The following LRRC20 variants were observed in gnomAD, a reference collection of about 807,000 sequenced individuals.
LRRC20 encodes leucine rich repeat containing 20.
A neutral mutation model predicts 14.4 loss-of-function variants in LRRC20; 11 were observed. The observed-to-expected ratio is 0.77, with a 90% CI of 0.48 to 1.27. The LOEUF is 1.27. LRRC20 is among the 50% of genes most tolerant of loss of function. The pLI is 0.00. For synonymous variants in LRRC20, 121 were observed against 107.3 expected (o/e 1.13, Z -0.79); for missense variants, 219 against 251.2 (o/e 0.87, Z 0.87).
intron 1 of LRRC20, among the ~76,000 whole-genome samples, chr10:70,380,677 A>G (rs962515872): frequency 1.3e-5 from 2 of 152,256 alleles, no homozygotes; most frequent in African/African-American, 4.8e-5. Context: ...ACTTCAGCAC[A>G]GGGTCGAAGC....
intron 2 of LRRC20, among the ~76,000 whole-genome samples, chr10:70,344,108 G>A (rs1323624219): frequency 6.6e-6 from 1 of 152,054 alleles, no homozygotes; most frequent in Non-Finnish European, 1.5e-5. Context: ...GTTGAAGTGG[G>A]AAGAAGATCG....
intron 3 of LRRC20, among the ~76,000 whole-genome samples, chr10:70,331,483 G>C (rs1037412209): frequency 2.0e-5 from 3 of 152,208 alleles, no homozygotes; most frequent in Non-Finnish European, 1.5e-5. Flanking sequence ...CCCAGCCACG[G>C]GATCGGCCAG....
chr10:70,371,310 T>A (rs1844258433), intron 2 of LRRC20, among the ~76,000 whole-genome samples: 2 of 151,926 alleles, frequency 1.3e-5, no homozygotes, highest in African/African-American at 4.8e-5. Context: ...GCTAATTTTT[T>A]AAATTTTATT....
intron 2 of LRRC20, among the ~76,000 whole-genome samples, chr10:70,353,575 G>A (rs1473646172): frequency 1.3e-5 from 2 of 151,972 alleles, no homozygotes; most frequent in East Asian, 1.9e-4. Flanking sequence ...GCACCACCAC[G>A]CCCAACTAAT....
chr10:70,317,837 G>A (rs1379831719), intron 4 of LRRC20, among the ~76,000 whole-genome samples: 1 of 152,208 alleles, frequency 6.6e-6, no homozygotes, highest in African/African-American at 2.4e-5. Context: ...TCCCTGGCAA[G>A]CTGGGAGGTC....
intron 4 of LRRC20, among the ~76,000 whole-genome samples, chr10:70,314,885 T>A (rs1257778728): frequency 6.6e-6 from 1 of 152,044 alleles, no homozygotes; most frequent in Admixed American, 6.6e-5. Context: ...CAACCAAAAT[T>A]ATGCACTTCA....
chr10:70,325,417 AC>A (rs773847521), intron 3 of LRRC20, among the ~76,000 whole-genome samples: 4 of 151,418 alleles, frequency 2.6e-5, no homozygotes, highest in Non-Finnish European at 4.4e-5. Context: ...TGCACCCTCC[AC>A]CTCGGCAGGG....
chr10:70,364,642 T>C (rs1843899448), intron 2 of LRRC20, among the ~76,000 whole-genome samples: 1 of 148,780 alleles, frequency 6.7e-6, no homozygotes, highest in South Asian at 2.1e-4. Context: ...GCCAGGTCCC[T>C]GGGCTCGGCT....
chr10:70,320,192 G>T (rs1240879416), intron 4 of LRRC20, among the ~76,000 whole-genome samples: 1 of 152,168 alleles, frequency 6.6e-6, no homozygotes, highest in East Asian at 1.9e-4. Flanking sequence ...TGAGTTGGCT[G>T]AGAACAGACC....
intron 2 of LRRC20, among the ~76,000 whole-genome samples, chr10:70,363,097 T>A (rs1321936006): frequency 9.1e-6 from 1 of 109,524 alleles, no homozygotes; most frequent in African/African-American, 3.3e-5. Flanking sequence ...ATGGTGAGAC[T>A]TATCTCTATT....
rs1841136555 is a variant in LRRC20, at chr10:70,300,658, G to A, written c.*696C>T. 1 of 985,578 alleles carries A rather than the reference G, an allele frequency of 1.0e-6. No homozygotes were observed. The highest frequency in any genetic ancestry group is 1.7e-5 in the African/African-American group (1 of 57,354). The allele number at this position is 985,578 out of a possible 1,614,324, so 61.1% of individuals were successfully genotyped here. A position where few individuals can be genotyped will look rare whatever the true frequency, so the allele number is the denominator to read the frequency against. ...CCCACCCCGCCAATTTGTTAACTGT[G>A]GGGAATGACAGAGCTGACGTGACTT... On this transcript the variant is annotated 3_prime_UTR_variant, in exon 5 of 5. Coordinates refer to ENST00000446961, the MANE Select transcript of LRRC20 (RefSeq NM_001278212.2).
In LRRC20 at chr10:70,340,575, C is replaced by A. The variant is rs1842875264; in HGVS notation, c.210G>T (p.Met70Ile). 6.2e-7 allele frequency: 1 copy of A among 1,614,152 alleles called. No individual in the cohort carries two copies. The highest frequency in any genetic ancestry group is 2.2e-5 in the East Asian group (1 of 44,882). The change falls in exon 3 of 5, where the codon ATG becomes ATT. Residue 70 changes from methionine to isoleucine, a missense_variant. Coordinates refer to ENST00000446961, the MANE Select transcript of LRRC20 (RefSeq NM_001278212.2). Reference protein sequence around the residue: ...NELKSLTSKFMTTFSQLRELH... With the variant: ...NELKSLTSKFITTFSQLRELH... ...TACCTCGGAGCTGACTGAATGTGGT[C>A]ATGAACTTGCTGGTGAGGGACTTAA...
chr10:70,300,366 AG>A lies in LRRC20; in HGVS notation c.*987del. ...TTGCCTGACCATACCCTAAGATGCC[AG>A]GTTGAGGGCCTCAGAAGAACCAGGT... is the stretch of plus-strand genomic sequence containing the variant. On this transcript the variant is annotated 3_prime_UTR_variant, in exon 5 of 5. Coordinates refer to ENST00000446961, the MANE Select transcript of LRRC20 (RefSeq NM_001278212.2). The A allele has an allele frequency of 1.0e-6, 1 of 985,430 alleles. No individual in the cohort carries two copies. Among genetic ancestry groups the A allele is most frequent in the Non-Finnish European group, 1.2e-6 (1 of 829,926 alleles). The allele number at this position is 985,430 out of a possible 1,614,324, so 61.0% of individuals were successfully genotyped here. A position where few individuals can be genotyped will look rare whatever the true frequency, so the allele number is the denominator to read the frequency against.
At chr10:70,363,581 TA>T (rs1358097539) in intron 2 of LRRC20, among the ~76,000 whole-genome samples, 1 of 152,156 alleles carries the variant, frequency 6.6e-6, no homozygotes, top group African/African-American at 2.4e-5. Context: ...AGGATGTTGC[TA>T]AACATCTTAC....
intron 3 of LRRC20, among the ~76,000 whole-genome samples, chr10:70,326,874 T>C (rs1842346719): frequency 6.6e-6 from 1 of 152,206 alleles, no homozygotes; most frequent in South Asian, 2.1e-4. Flanking sequence ...TTAGCCAGGA[T>C]GGTCTCGATC....
intron 4 of LRRC20, among the ~76,000 whole-genome samples, chr10:70,316,953 A>T (rs935735731): frequency 1.3e-5 from 2 of 152,228 alleles, no homozygotes; most frequent in Non-Finnish European, 2.9e-5. Context: ...AGGGCAAGTC[A>T]TCCTGTCATG....
intron 2 of LRRC20, among the ~76,000 whole-genome samples, chr10:70,365,385 G>C (rs142677537): frequency 4.5e-4 from 69 of 152,310 alleles, no homozygotes; most frequent in African/African-American, 1.6e-3. Context: ...CTCTAGAATA[G>C]GGTCCGTGGA....
chr10:70,321,060 G>A (rs903758194), intron 4 of LRRC20, among the ~76,000 whole-genome samples: 1 of 152,018 alleles, frequency 6.6e-6, no homozygotes, highest in Admixed American at 6.6e-5. Flanking sequence ...GATTCACTTG[G>A]GTCTTGTTTC....
chr10:70,335,773 C>G (rs990762590), intron 3 of LRRC20, among the ~76,000 whole-genome samples: 1 of 152,238 alleles, frequency 6.6e-6, no homozygotes, highest in African/African-American at 2.4e-5. Flanking sequence ...TACCATTTTT[C>G]TAGTTATTTC....
Sources: gnomAD v4.1 joint callset for allele counts (sites outside exome capture counted in the v4.1 genomes callset) on GRCh38, gnomAD v4.1.1 for gene constraint, MANE v1.5 for transcripts, NCBI Gene and HGNC (gene_info 2026-07-23, HGNC 2026-07-21) for gene names.